DLC1: variants seen among roughly 807,000 people sequenced by gnomAD.
The protein encoded by DLC1 is rho GTPase-activating protein 7.
In DLC1, 54 loss-of-function variants were observed where a neutral mutation model predicts 140.3. The ratio of observed to expected loss-of-function variants is 0.38; its 90% CI spans 0.31 to 0.48. The LOEUF (loss-of-function observed/expected upper bound fraction) is 0.48, where lower values mean the gene tolerates loss of function less well. Ranked by LOEUF, DLC1 falls within the 20% of genes least tolerant of loss-of-function variation. The pLI, the probability that DLC1 is intolerant of heterozygous loss-of-function variation, is 0.96. For synonymous variants in DLC1, 986 were observed against 728.1 expected (o/e 1.35, Z -5.70); for missense variants, 2,536 against 1,907.0 (o/e 1.33, Z -6.14).
At chr8:13,515,996 C>G (rs1243420168), upstream of DLC1, among the ~76,000 whole-genome samples, 1 of 152,108 alleles carries the variant, frequency 6.6e-6, no homozygotes, top group Non-Finnish European at 1.5e-5. Flanking sequence ...TTTGGGACAT[C>G]CAGGCTGTGG....
At chr8:13,187,185 G>C (rs1826424131) in intron 5 of DLC1, among the ~76,000 whole-genome samples, 1 of 151,938 alleles carries the variant, frequency 6.6e-6, no homozygotes, top group Non-Finnish European at 1.5e-5. Flanking sequence ...ACCTTCCAAT[G>C]TAAGAATCTA....
At chr8:13,563,398 A>G (rs916545308) in intron 1 of DLC1, among the ~76,000 whole-genome samples, 8 of 152,336 alleles carry the variant, frequency 5.3e-5, no homozygotes, top group African/African-American at 1.9e-4. Flanking sequence ...TGGACAAAAG[A>G]ACATTATATC....
chr8:13,481,626 T>C (rs962283503), intron 2 of DLC1, among the ~76,000 whole-genome samples: 25 of 152,208 alleles, frequency 1.6e-4, no homozygotes, highest in African/African-American at 6.0e-4. Context: ...ATAGAAAATT[T>C]ACAGCCCCGT....
chr8:13,234,485 T>G (rs1383246762), intron 5 of DLC1, among the ~76,000 whole-genome samples: 3 of 152,150 alleles, frequency 2.0e-5, no homozygotes, highest in Non-Finnish European at 2.9e-5. Flanking sequence ...TCTTCTGTTT[T>G]GGCTATGTAG....
chr8:13,179,116 G>A (rs1441530426), intron 5 of DLC1, among the ~76,000 whole-genome samples: 1 of 152,142 alleles, frequency 6.6e-6, no homozygotes, highest in Non-Finnish European at 1.5e-5. Flanking sequence ...CTTCAACTTT[G>A]CAAAATAATT....
intron 1 of DLC1, among the ~76,000 whole-genome samples, chr8:13,596,635 A>C (rs1220994868): frequency 6.6e-6 from 1 of 152,002 alleles, no homozygotes; most frequent in African/African-American, 2.4e-5. Context: ...GAGAATGGAT[A>C]TGCTTATTGA....
intron 5 of DLC1, among the ~76,000 whole-genome samples, chr8:13,180,131 T>A (rs1825955866): frequency 6.6e-6 from 1 of 152,196 alleles, no homozygotes; most frequent in Non-Finnish European, 1.5e-5. Context: ...TTGACTCCCT[T>A]AATTCATATG....
intron 1 of DLC1, among the ~76,000 whole-genome samples, chr8:13,532,400 G>C (rs1440559496): frequency 1.3e-5 from 2 of 152,212 alleles, no homozygotes; most frequent in Admixed American, 6.5e-5. Flanking sequence ...ATAAGAATAA[G>C]AACATGAATG....
chr8:13,413,035 A>C (rs1011202526), intron 2 of DLC1, among the ~76,000 whole-genome samples: 1 of 151,628 alleles, frequency 6.6e-6, no homozygotes, highest in Non-Finnish European at 1.5e-5. Flanking sequence ...GCCCCCACTC[A>C]GCACTTTAGT....
intron 4 of DLC1, among the ~76,000 whole-genome samples, chr8:13,353,037 C>CAT (rs966930049): frequency 2.2e-4 from 34 of 151,688 alleles, no homozygotes; most frequent in African/African-American, 7.5e-4. Context: ...TTTAAAATAC[C>CAT]ATATATATAT....
At chr8:13,592,974 A>G (rs528450900) in intron 1 of DLC1, among the ~76,000 whole-genome samples, 1 of 152,106 alleles carries the variant, frequency 6.6e-6, no homozygotes, top group African/African-American at 2.4e-5. Flanking sequence ...TTTTCTTCCA[A>G]ATATTTCCAA....
chr8:13,393,050 A>C (rs289561), intron 4 of DLC1, among the ~76,000 whole-genome samples: 110,234 of 151,982 alleles, frequency 0.73, 40,453 homozygotes, highest in East Asian at 0.95. Flanking sequence ...ATCTAAATAT[A>C]TTTATATAAT....
At chr8:13,308,993 C>G (rs1313525795) in intron 4 of DLC1, among the ~76,000 whole-genome samples, 1 of 152,096 alleles carries the variant, frequency 6.6e-6, no homozygotes, top group Non-Finnish European at 1.5e-5. Context: ...AGGTGTTCAT[C>G]AACATTTTTG....
At chr8:13,278,733 G>C (rs1201680724) in intron 5 of DLC1, among the ~76,000 whole-genome samples, 1 of 152,044 alleles carries the variant, frequency 6.6e-6, no homozygotes, top group African/African-American at 2.4e-5. Flanking sequence ...TGACTATAAT[G>C]GTAGGAAGCT....
Position 13,110,799 on chromosome 8 carries a change from G to A in DLC1, c.1445C>T (p.Ser482Phe). ...AAAATCATGCTCTCTCTTGACCAAGGAAATATCGATGGGGAACAGGAAATC... is the reference window on the plus strand; with the variant it reads ...AAAATCATGCTCTCTCTTGACCAAGAAAATATCGATGGGGAACAGGAAATC... ...YEDFLFPIDI[S>F]LVKREHDFLD... Residue 482 changes from serine to phenylalanine, a missense_variant, in exon 7 of 18, where the codon TCC becomes TTC. Coordinates refer to ENST00000276297, the MANE Select transcript of DLC1 (RefSeq NM_182643.3). 1 of 1,614,060 alleles carries A rather than the reference G, an allele frequency of 6.2e-7. No homozygotes were observed.
intron 1 of DLC1, among the ~76,000 whole-genome samples, chr8:13,524,178 C>T (rs1042508728): frequency 4.0e-5 from 6 of 149,656 alleles, no homozygotes; most frequent in Non-Finnish European, 8.9e-5. Context: ...CACTCTGTTG[C>T]CCAGGCTGGA....
chr8:13,401,742 G>C lies in DLC1; in HGVS notation c.1024-123C>G, dbSNP rs1585045678. Reference sequence around the variant, plus strand: ...TAATAGGCAGTCTTTAATTAGAAGAGAAGTTCCATTCTGTATCATCAATGG... The same window carrying C: ...TAATAGGCAGTCTTTAATTAGAAGACAAGTTCCATTCTGTATCATCAATGG... On this transcript the variant is annotated intron_variant, in intron 2 of 17. Transcript: ENST00000276297. 7 of 1,286,136 alleles carry C rather than the reference G, an allele frequency of 5.4e-6. No individual in the cohort carries two copies. The South Asian group carries it at 1.1e-4, about 20-fold the overall frequency. The allele number at this position is 1,286,136 out of a possible 1,614,324, so 79.7% of individuals were successfully genotyped here.
rs1585264768 is a variant in DLC1 at position 13,550,309 on chromosome 8, T to C, written c.-125-50113A>G. On this transcript the variant is annotated intron_variant, in intron 1 of 1. Coordinates refer to the DLC1 transcript ENST00000631382. The stretch of plus-strand genomic sequence containing the variant: ...CTCCCCTGCTGCCATGTGAAGAAGG[T>C]CCTTGCTTCCCCTTTGTCTTCTGTC... 2.0e-5 allele frequency among the ~76,000 whole-genome samples: 3 copies of C among 152,098 alleles called. No individual in the cohort carries two copies. The South Asian group carries it at 6.2e-4, about 32-fold the overall frequency.
chr8:13,345,845 C>T (rs62493430), intron 4 of DLC1, among the ~76,000 whole-genome samples: 47,277 of 151,980 alleles, frequency 0.31, 8,145 homozygotes, highest in Non-Finnish European at 0.4. Context: ...AGGCATCAGC[C>T]GCTGCATCTG....
Sources: allele counts gnomAD v4.1 joint callset (sites outside exome capture counted in the v4.1 genomes callset), GRCh38; gene constraint gnomAD v4.1.1; transcripts MANE v1.5; gene names NCBI Gene and HGNC (gene_info 2026-07-23, HGNC 2026-07-21).